Variants in SLC4A10 observed in about 807,000 individuals in gnomAD.
The protein encoded by SLC4A10 is sodium-driven chloride bicarbonate exchanger.
SLC4A10 carries 42 observed loss-of-function variants against 137.7 expected under a neutral mutation model. That is an observed-to-expected ratio of 0.30 (90% CI 0.24 to 0.39). The LOEUF (loss-of-function observed/expected upper bound fraction) is 0.39. Among genes scored for constraint, SLC4A10 ranks in the 10% least tolerant of loss-of-function variants. SLC4A10 has a pLI of 1.00. For missense variants in SLC4A10, 925 were observed against 1,355.0 expected, an observed-to-expected ratio of 0.68 and a Z score of 4.98; for synonymous variants, 474 against 464.1, an observed-to-expected ratio of 1.02 and a Z score of -0.27.
intron 3 of SLC4A10, among the ~76,000 whole-genome samples, chr2:161,813,944 AC>A (rs1198248592): frequency 6.6e-6 from 1 of 151,900 alleles, no homozygotes; most frequent in African/African-American, 2.4e-5. Flanking sequence ...TTTGAAAAGT[AC>A]CCCCAGGTGA....
chr2:161,629,664 C>A (rs2033151135), intron 1 of SLC4A10, among the ~76,000 whole-genome samples: 2 of 151,794 alleles, frequency 1.3e-5, no homozygotes, highest in Admixed American at 1.3e-4. Flanking sequence ...TATACAGAGT[C>A]ATTTCACTGC....
chr2:161,718,465 G>T (rs558291988), intron 1 of SLC4A10, among the ~76,000 whole-genome samples: 7 of 152,300 alleles, frequency 4.6e-5, no homozygotes, highest in Admixed American at 4.6e-4. Flanking sequence ...TCTTAACACT[G>T]CTTTAGCTGT....
At chr2:161,864,928 A>T (rs1216865745) in intron 6 of SLC4A10, among the ~76,000 whole-genome samples, 1 of 152,080 alleles carries the variant, frequency 6.6e-6, no homozygotes, top group African/African-American at 2.4e-5. Flanking sequence ...TGGCTATGGG[A>T]TTATGTCTAC....
Position 161,862,889 on chromosome 2 carries a change from A to G in SLC4A10, c.593A>G (p.Gln198Arg). 6.2e-7 allele frequency: 1 copy of G among 1,604,060 alleles called. No individual in the cohort carries two copies. ...LEEIADMVLD[Q>R]QVSSGQLNED... ...TTCTCTTCAGATATGGTTCTTGACC[A>G]ACAAGTGAGCTCAGGTCAGCTGAAT... Residue 198 changes from glutamine to arginine, a missense_variant, in exon 6 of 27, where the codon CAA (glutamine) becomes CGA (arginine). Gln to Arg is a conservative substitution (Grantham distance 43, BLOSUM62 1). This residue lies in a region of SLC4A10 where 277 missense variants were observed against 306.1 expected (regional missense o/e 0.90). Transcript: ENST00000446997.
At chr2:161,911,924 C>T (rs909292472) in intron 15 of SLC4A10, among the ~76,000 whole-genome samples, 4 of 152,060 alleles carry the variant, frequency 2.6e-5, no homozygotes, top group Admixed American at 6.6e-5. Flanking sequence ...CAACTCCTCA[C>T]CTCATTCTTG....
chr2:161,891,824 A>T (rs1253767092), intron 10 of SLC4A10, among the ~76,000 whole-genome samples: 1 of 151,950 alleles, frequency 6.6e-6, no homozygotes, highest in Non-Finnish European at 1.5e-5. Flanking sequence ...TTCTCCATCC[A>T]GTTTTGTTCC....
intron 24 of SLC4A10, among the ~76,000 whole-genome samples, chr2:161,974,643 A>G (rs1344403842): frequency 6.6e-6 from 1 of 152,170 alleles, no homozygotes; most frequent in East Asian, 1.9e-4. Flanking sequence ...TTTTTTGTAT[A>G]AGTGACTAGT....
At chr2:161,768,645 T>C (rs150875074) in intron 1 of SLC4A10, among the ~76,000 whole-genome samples, 1,628 of 152,098 alleles carry the variant, frequency 0.011, 12 homozygotes, top group Non-Finnish European at 0.017. Flanking sequence ...ACAGATCATA[T>C]AAGAATTTAG....
intron 8 of SLC4A10, among the ~76,000 whole-genome samples, chr2:161,875,100 C>T (rs1297151382): frequency 2.6e-5 from 4 of 151,984 alleles, no homozygotes; most frequent in African/African-American, 4.8e-5. Flanking sequence ...ATAATGTAAG[C>T]CCAGTTTTGG....
At chr2:161,646,516 CTT>C (rs1025076207) in intron 1 of SLC4A10, among the ~76,000 whole-genome samples, 2 of 151,900 alleles carry the variant, frequency 1.3e-5, no homozygotes, top group Non-Finnish European at 2.9e-5. Flanking sequence ...AATAGGCTAA[CTT>C]AATAATTTTC....
chr2:161,708,786 T>C, intron 1 of SLC4A10: 1 of 1,532,862 alleles, frequency 6.5e-7, no homozygotes, highest in South Asian at 1.2e-5. Context: ...AGAAAGGTCA[T>C]GCAGTCTGGA....
chr2:161,721,384 T>A (rs774493118), intron 1 of SLC4A10, among the ~76,000 whole-genome samples: 4 of 152,164 alleles, frequency 2.6e-5, no homozygotes, highest in African/African-American at 4.8e-5. Context: ...GGCCAGGTGG[T>A]GACAAATTCC....
intron 1 of SLC4A10, among the ~76,000 whole-genome samples, chr2:161,701,242 T>C (rs1330036079): frequency 6.6e-6 from 1 of 151,898 alleles, no homozygotes; most frequent in Non-Finnish European, 1.5e-5. Context: ...GTTTTGAGGG[T>C]TTCTAGTTTT....
intron 1 of SLC4A10, among the ~76,000 whole-genome samples, chr2:161,725,041 A>C (rs1457779150): frequency 6.6e-6 from 1 of 152,184 alleles, no homozygotes; most frequent in Non-Finnish European, 1.5e-5. Flanking sequence ...CTGCTTACTA[A>C]ATTTTTTGTT....
intron 15 of SLC4A10, among the ~76,000 whole-genome samples, chr2:161,933,093 A>C (rs1329155696): frequency 6.6e-6 from 1 of 151,566 alleles, no homozygotes; most frequent in Non-Finnish European, 1.5e-5. Flanking sequence ...CAATGTATAT[A>C]TGCCACTTAT....
At chr2:161,895,035 G>A (rs1451879456) in intron 11 of SLC4A10, among the ~76,000 whole-genome samples, 2 of 150,620 alleles carry the variant, frequency 1.3e-5, no homozygotes, top group African/African-American at 4.9e-5. Context: ...TTAGCATTAG[G>A]TATATCTCCT....
chr2:161,853,787 C>A (rs2059956407), intron 4 of SLC4A10, among the ~76,000 whole-genome samples: 1 of 152,052 alleles, frequency 6.6e-6, no homozygotes, highest in African/African-American at 2.4e-5. Context: ...TATAAGTATT[C>A]TTTTCTATTG....
At chr2:161,709,104 T>A (rs913580159) in intron 1 of SLC4A10, among the ~76,000 whole-genome samples, 1 of 151,320 alleles carries the variant, frequency 6.6e-6, no homozygotes, top group African/African-American at 2.4e-5. Context: ...TGAATGTGAT[T>A]AAAAGCAAGG....
intron 1 of SLC4A10, among the ~76,000 whole-genome samples, chr2:161,629,018 T>C (rs2033016620): frequency 6.6e-6 from 1 of 151,962 alleles, no homozygotes; most frequent in Non-Finnish European, 1.5e-5. Context: ...TGAATGATGG[T>C]TGCTTCAGAA....
Sources: gnomAD v4.1 joint callset for allele counts (sites outside exome capture counted in the v4.1 genomes callset) on GRCh38, gnomAD v4.1.1 for gene constraint, gnomAD v4.1.1 regional missense constraint, MANE v1.5 for transcripts, NCBI Gene and HGNC (gene_info 2026-07-23, HGNC 2026-07-21) for gene names.